The following HK1 variants were observed in gnomAD, a reference collection of about 807,000 sequenced individuals.
HK1 encodes the protein hexokinase 1.
HK1 carries 28 observed loss-of-function variants against 91.6 expected under a neutral mutation model. That is an observed-to-expected ratio of 0.31 (90% CI 0.23 to 0.42). The LOEUF (loss-of-function observed/expected upper bound fraction) is 0.42, where lower values mean the gene tolerates loss of function less well. Among genes scored for constraint, HK1 ranks in the 10% least tolerant of loss-of-function variants. The pLI, the probability that HK1 is intolerant of heterozygous loss-of-function variation, is 1.00. For missense variants in HK1, 770 were observed against 1,219.8 expected (o/e 0.63, Z 5.49); for synonymous variants, 430 against 468.1 (o/e 0.92, Z 1.05).
At chr10:69,337,591 C>T (rs1848053990) in intron 1 of HK1, among the ~76,000 whole-genome samples, 1 of 152,202 alleles carries the variant, frequency 6.6e-6, no homozygotes, top group South Asian at 2.1e-4. Flanking sequence ...GAGTCAGTGT[C>T]CTTAGCAAAG....
chr10:69,344,244 G>A (rs1848439087), intron 2 of HK1, among the ~76,000 whole-genome samples: 1 of 152,194 alleles, frequency 6.6e-6, no homozygotes, highest in Non-Finnish European at 1.5e-5. Context: ...GGTTGGGCAA[G>A]GCTGACCTGC....
At chr10:69,276,118 A>AAAATATATAT in intron 1 of HK1, among the ~76,000 whole-genome samples, 635 of 38,194 alleles carry the variant, frequency 0.017, 90 homozygotes, top group Non-Finnish European at 0.021. Context: ...AAAAAAAAAA[A>AAAATATATAT]ATACATATAT....
At chr10:69,392,336 CACAGTCAGGGTGGGGGCAG>C in intron 15 of HK1, 28 bp downstream of exon 15, 1 of 1,612,452 alleles carries the variant, frequency 6.2e-7, no homozygotes, top group Non-Finnish European at 8.5e-7. Flanking sequence ...AGAGGACACT[CACAGTCAGGGTGGGGGCAG>C]CACTTGGCTG....
intron 7 of HK1, among the ~76,000 whole-genome samples, chr10:69,376,062 A>G (rs1839086715): frequency 6.6e-6 from 1 of 152,198 alleles, no homozygotes; most frequent in South Asian, 2.1e-4. Context: ...TGGCCGGAGA[A>G]GGAGAAAATC....
At chr10:69,297,737 A>C (rs139262910) in intron 4 of HK1, among the ~76,000 whole-genome samples, 2,777 of 151,012 alleles carry the variant, frequency 0.018, 139 homozygotes, top group African/African-American at 0.065. Flanking sequence ...TCTACTAAAA[A>C]TACAAAAATT....
At chr10:69,282,950 C>T (rs139994928) in intron 2 of HK1, among the ~76,000 whole-genome samples, 5 of 130,314 alleles carry the variant, frequency 3.8e-5, no homozygotes, top group Non-Finnish European at 8.3e-5. Context: ...AACCCCTTCT[C>T]TACTAAAAAT....
chr10:69,379,769 TGGG>T, intron 8 of HK1, 90 bp from the exon 9 acceptor site: 2 of 896,510 alleles, frequency 2.2e-6, no homozygotes, highest in South Asian at 2.6e-5. Context: ...ACATGGTAAG[TGGG>T]GCTGTCCCTT....
In HK1 at chr10:69,283,689, G is replaced by A. The variant is rs149885853; in HGVS notation, c.-215+985G>A. On this transcript the variant is annotated intron_variant, in intron 2 of 21. Transcript: ENST00000360289. ...CCAGCTACTCAGGAGACTGAGGGAC[G>A]AGAATCGCTTGAACACAGGAGGCGG... Among the ~76,000 whole-genome samples the A allele has an allele frequency of 6.0e-3, 889 of 147,242 alleles. 6 individuals are homozygous for A. The highest frequency in any genetic ancestry group is 9.5e-3 in the Non-Finnish European group (639 of 67,358).
intron 2 of HK1, among the ~76,000 whole-genome samples, chr10:69,358,162 G>A (rs1041246438): frequency 6.6e-6 from 1 of 152,140 alleles, no homozygotes; most frequent in Non-Finnish European, 1.5e-5. Context: ...CCCCTGGCGT[G>A]GTAGATATTA....
intron 1 of HK1, among the ~76,000 whole-genome samples, chr10:69,280,716 C>T (rs1830192900): frequency 6.6e-6 from 1 of 152,180 alleles, no homozygotes; most frequent in African/African-American, 2.4e-5. Context: ...ACCAAATCTG[C>T]TGGTGACTTA....
chr10:69,351,310 C>G (rs1384069651), intron 2 of HK1, among the ~76,000 whole-genome samples: 1 of 151,902 alleles, frequency 6.6e-6, no homozygotes, highest in Non-Finnish European at 1.5e-5. Flanking sequence ...GAGTTTGAGA[C>G]CAACCTGGCC....
chr10:69,365,664 G>A (rs894133072), intron 4 of HK1, among the ~76,000 whole-genome samples: 3 of 152,088 alleles, frequency 2.0e-5, no homozygotes, highest in African/African-American at 4.8e-5. Context: ...GATCACTTAA[G>A]TCCAGGAGTT....
chr10:69,365,171 A>G (rs1180329067), intron 4 of HK1, among the ~76,000 whole-genome samples: 2 of 152,160 alleles, frequency 1.3e-5, no homozygotes, highest in African/African-American at 2.4e-5. Flanking sequence ...TAGGCAAGCA[A>G]AGGAAAATAA....
intron 7 of HK1, among the ~76,000 whole-genome samples, chr10:69,370,986 A>G (rs531261577): frequency 6.6e-6 from 1 of 152,134 alleles, no homozygotes; most frequent in East Asian, 1.9e-4. Context: ...CTACAGAGAG[A>G]TGTTCACTGA....
intron 8 of HK1, among the ~76,000 whole-genome samples, chr10:69,379,484 A>G (rs1839278148): frequency 6.6e-6 from 1 of 152,232 alleles, no homozygotes; most frequent in Admixed American, 6.5e-5. Flanking sequence ...ACATCAAGGA[A>G]GGATGTATAA....
intron 2 of HK1, among the ~76,000 whole-genome samples, chr10:69,350,260 T>G (rs765153538): frequency 6.6e-6 from 1 of 152,048 alleles, no homozygotes; most frequent in Non-Finnish European, 1.5e-5. Context: ...GGAGCTGGAG[T>G]GGGGATTCAG....
chr10:69,300,470 G>A lies in HK1; in HGVS notation c.-66-299G>A, dbSNP rs997462877. ...AGGATTTTCCTTCCTGTGTGTTTTC[G>A]TCTTGCTTCTTTATGGTCCATGATG... is the stretch of plus-strand genomic sequence containing the variant. On this transcript the variant is annotated intron_variant, in intron 4 of 21. Transcript: ENST00000360289. 28 of 831,978 alleles carry A rather than the reference G, an allele frequency of 3.4e-5. 1 individual carries two copies. Among genetic ancestry groups the A allele is most frequent in the African/African-American group, 2.2e-4 (13 of 58,144 alleles). 51.5% of individuals were successfully genotyped at this position (831,978 alleles called of 1,614,324 possible).
intron 1 of HK1, chr10:69,278,800 T>G (rs1442635582): frequency 2.9e-5 from 4 of 138,928 alleles, no homozygotes; most frequent in Non-Finnish European, 5.1e-5. Context: ...GATGAAGTTG[T>G]TTTTTTTTTC....
At position 69,380,104 on chromosome 10, in the gene HK1, G is replaced by GC. The variant is rs773803530; in HGVS notation, c.1265+12dup. 3 of 1,600,130 alleles carry GC rather than the reference G, an allele frequency of 1.9e-6. No homozygotes were observed. Among genetic ancestry groups the GC allele is most frequent in the Non-Finnish European group, 2.6e-6 (3 of 1,167,178 alleles). ...TACAAGACGCACCCACAGTGAGTCT[G>GC]CCCTTTGCTATCATTGGCACTCTGT... On this transcript the variant is annotated intron_variant, in intron 9 of 17. Coordinates refer to ENST00000359426, the MANE Select transcript of HK1 (RefSeq NM_000188.3). The surrounding 1 kb of genome is among the most constrained non-coding windows in gnomAD (Gnocchi z 4.0).
Sources: allele counts gnomAD v4.1 joint callset (sites outside exome capture counted in the v4.1 genomes callset), GRCh38; gene constraint gnomAD v4.1.1; non-coding constraint Gnocchi (gnomAD v3.1); transcripts MANE v1.5; gene names NCBI Gene and HGNC (gene_info 2026-07-23, HGNC 2026-07-21).